The following FUT9 variants were observed in gnomAD, a reference collection of about 807,000 sequenced individuals.
FUT9 encodes fucosyltransferase 9.
FUT9 carries 15 observed loss-of-function variants against 29.7 expected under a neutral mutation model. The ratio of observed to expected loss-of-function variants is 0.51; its 90% CI spans 0.34 to 0.78. The LOEUF (loss-of-function observed/expected upper bound fraction) is 0.78. Among genes scored for constraint, FUT9 ranks in the 30% least tolerant of loss-of-function variants. FUT9 has a pLI of 0.01. For synonymous variants in FUT9, 169 were observed against 153.7 expected (o/e 1.10, Z -0.74); for missense variants, 319 against 425.4 (o/e 0.75, Z 2.20).
chr6:96,165,025 T>C (rs1772987780), intron 2 of FUT9, among the ~76,000 whole-genome samples: 1 of 152,180 alleles, frequency 6.6e-6, no homozygotes, highest in East Asian at 1.9e-4. Context: ...ATGGGGCAAC[T>C]AGAATCACAA....
At chr6:96,062,969 A>C (rs971532169) in intron 1 of FUT9, among the ~76,000 whole-genome samples, 2 of 152,166 alleles carry the variant, frequency 1.3e-5, no homozygotes, top group Non-Finnish European at 2.9e-5. Context: ...GAGGAAACAG[A>C]AATGGGGGTG....
Position 96,108,736 on chromosome 6 carries a change from T to C in FUT9, c.-97-5303T>C, listed in dbSNP as rs556777621. Among the ~76,000 whole-genome samples the C allele has an allele frequency of 2.0e-5, 3 of 152,320 alleles. No individual in the cohort carries two copies. In the South Asian group the frequency reaches 6.2e-4, roughly 32 times the overall value. On this transcript the variant is annotated intron_variant, in intron 1 of 2. Transcript: ENST00000302103. ...GCTGAAGTGCCTTGTCGTTATTCAG[T>C]ATTCACTTTGCATAACCTATTTTCC...
At chr6:96,109,355 A>G (rs1771754254) in intron 1 of FUT9, among the ~76,000 whole-genome samples, 1 of 152,068 alleles carries the variant, frequency 6.6e-6, no homozygotes, top group Non-Finnish European at 1.5e-5. Flanking sequence ...TTTCTTAATC[A>G]TTTGCACTAA....
At chr6:96,126,504 G>A (rs1232260275) in intron 2 of FUT9, among the ~76,000 whole-genome samples, 3 of 152,090 alleles carry the variant, frequency 2.0e-5, no homozygotes, top group Non-Finnish European at 1.5e-5. Flanking sequence ...AAGTTCTTAG[G>A]TCTTCAAAGC....
intron 2 of FUT9, among the ~76,000 whole-genome samples, chr6:96,174,753 G>A (rs1235622586): frequency 6.6e-6 from 1 of 152,032 alleles, no homozygotes; most frequent in Non-Finnish European, 1.5e-5. Flanking sequence ...TGAAGAAGAT[G>A]GAAATAAATG....
intron 1 of FUT9, among the ~76,000 whole-genome samples, chr6:96,033,170 T>C (rs986575889): frequency 2.6e-5 from 4 of 151,612 alleles, no homozygotes; most frequent in Admixed American, 2.6e-4. Flanking sequence ...CTAGTGAAAG[T>C]ATGAAAAAAT....
intron 2 of FUT9, among the ~76,000 whole-genome samples, chr6:96,166,255 A>C (rs1234534738): frequency 1.3e-5 from 2 of 152,206 alleles, no homozygotes; most frequent in Non-Finnish European, 2.9e-5. Context: ...TTATACTGCC[A>C]GGACAGTTAA....
chr6:96,045,417 T>C (rs1488264188), intron 1 of FUT9, among the ~76,000 whole-genome samples: 1 of 152,236 alleles, frequency 6.6e-6, no homozygotes, highest in Non-Finnish European at 1.5e-5. Flanking sequence ...TTTTATGTTG[T>C]TCCATGTGCC....
chr6:96,156,685 G>A (rs1772791659), intron 2 of FUT9, among the ~76,000 whole-genome samples: 1 of 152,132 alleles, frequency 6.6e-6, no homozygotes, highest in South Asian at 2.1e-4. Flanking sequence ...AGGCACTTGT[G>A]GGTTAGGTCG....
chr6:96,140,226 C>T (rs1034207647), intron 2 of FUT9, among the ~76,000 whole-genome samples: 1 of 152,196 alleles, frequency 6.6e-6, no homozygotes, highest in African/African-American at 2.4e-5. Context: ...TATGACACCA[C>T]CGCAGCCTGG....
chr6:96,069,185 C>T (rs372544514), intron 1 of FUT9, among the ~76,000 whole-genome samples: 3 of 152,028 alleles, frequency 2.0e-5, no homozygotes, highest in African/African-American at 4.8e-5. Flanking sequence ...CATGGTGGCA[C>T]GTGCCTGTAA....
chr6:96,150,631 C>A (rs9499312), intron 2 of FUT9, among the ~76,000 whole-genome samples: 3,838 of 152,210 alleles, frequency 0.025, 163 homozygotes, highest in African/African-American at 0.087. Context: ...CCAGCTCAGG[C>A]TCAACAATTT....
intron 2 of FUT9, among the ~76,000 whole-genome samples, chr6:96,169,859 A>G (rs1486772262): frequency 6.6e-6 from 1 of 152,166 alleles, no homozygotes; most frequent in Admixed American, 6.6e-5. Flanking sequence ...TCTTATGGCA[A>G]AGATGAGTGA....
rs998623798 is a variant in FUT9, at chr6:96,207,480, T to G, written c.*3245T>G. 6.0e-6 allele frequency: 1 copy of G among 166,990 alleles called. No homozygotes were observed. Among genetic ancestry groups the G allele is most frequent in the African/African-American group, 2.4e-5 (1 of 41,442 alleles). 10.3% of individuals were successfully genotyped at this position (166,990 alleles called of 1,614,324 possible). ...AAAACATCAAACTTGTTAGCATTCG[T>G]TCTGGTTTAAATATTTTAGGAGTTG... is the stretch of plus-strand genomic sequence containing the variant. On this transcript the variant is annotated 3_prime_UTR_variant, in exon 3 of 3. Coordinates refer to ENST00000302103, the MANE Select transcript of FUT9 (RefSeq NM_006581.4).
chr6:96,111,540 A>AACAC (rs66491542), intron 1 of FUT9, among the ~76,000 whole-genome samples: 1,482 of 145,624 alleles, frequency 0.01, 12 homozygotes, highest in East Asian at 0.021. Flanking sequence ...TGATTTGGGA[A>AACAC]ACACACACAC....
At chr6:96,184,060 C>T (rs1316311457) in intron 2 of FUT9, among the ~76,000 whole-genome samples, 6 of 151,914 alleles carry the variant, frequency 3.9e-5, no homozygotes, top group Admixed American at 3.3e-4. Flanking sequence ...TCAGCTGTGA[C>T]TCCATCTGGT....
chr6:96,188,318 G>A (rs1483222025), intron 2 of FUT9, among the ~76,000 whole-genome samples: 1 of 151,978 alleles, frequency 6.6e-6, no homozygotes, highest in Non-Finnish European at 1.5e-5. Flanking sequence ...CCAGGCTAGA[G>A]TGCAGTGGCA....
chr6:96,193,643 G>A (rs755668596), intron 2 of FUT9, among the ~76,000 whole-genome samples: 1 of 152,054 alleles, frequency 6.6e-6, no homozygotes, highest in Non-Finnish European at 1.5e-5. Context: ...AAGACAGTGT[G>A]GCGATTCCTC....
chr6:96,199,625 G>C (rs1773692833), intron 2 of FUT9, among the ~76,000 whole-genome samples: 1 of 152,088 alleles, frequency 6.6e-6, no homozygotes, highest in Non-Finnish European at 1.5e-5. Flanking sequence ...AAACAGAGAG[G>C]CAAAACTGGG....
Sources: allele counts gnomAD v4.1 joint callset (sites outside exome capture counted in the v4.1 genomes callset), GRCh38; gene constraint gnomAD v4.1.1; transcripts MANE v1.5; gene names NCBI Gene and HGNC (gene_info 2026-07-23, HGNC 2026-07-21).